Variants in GALNT17 observed in about 807,000 individuals in gnomAD.
The protein encoded by GALNT17 is polypeptide N-acetylgalactosaminyltransferase 17.
Under a neutral mutation model 63.7 loss-of-function variants are expected in GALNT17, and 29 were observed. That is an observed-to-expected ratio of 0.46 (90% CI 0.34 to 0.62). The LOEUF (loss-of-function observed/expected upper bound fraction) is 0.62. Among genes scored for constraint, GALNT17 ranks in the 20% least tolerant of loss-of-function variants. The probability of loss-of-function intolerance (pLI) is 0.01; values close to 1 mark genes in which losing one functional copy is unlikely to be tolerated. For missense variants in GALNT17, 603 were observed against 799.6 expected (o/e 0.75, Z 2.97); for synonymous variants, 305 against 318.3 (o/e 0.96, Z 0.45).
chr7:71,458,592 C>T (rs1157344651), intron 5 of GALNT17, among the ~76,000 whole-genome samples: 1 of 152,166 alleles, frequency 6.6e-6, no homozygotes, highest in Non-Finnish European at 1.5e-5. Flanking sequence ...GCCTGGTGTC[C>T]AGGAAGAATC....
At chr7:71,255,365 G>A (rs1790270771) in intron 1 of GALNT17, among the ~76,000 whole-genome samples, 2 of 152,216 alleles carry the variant, frequency 1.3e-5, no homozygotes, top group Admixed American at 1.3e-4. Context: ...CCATGTGTGA[G>A]ATGTACCTTT....
rs1336259079 is a variant in GALNT17, at chr7:71,285,101, TAAAG to T, written c.239-50444_239-50441del. Among the ~76,000 whole-genome samples, 7 of 152,296 alleles carry T rather than the reference TAAAG, an allele frequency of 4.6e-5. No individual in the cohort carries two copies. The East Asian group carries it at 5.8e-4, about 13-fold the overall frequency. ...AAGAAATCATAACAAATTGCTAAGTTAAAGAAAGCCGACAAATACCGCAGAAATT... is the reference window on the plus strand; with the variant it reads ...AAGAAATCATAACAAATTGCTAAGTTAAAGCCGACAAATACCGCAGAAATT... On this transcript the variant is annotated intron_variant, in intron 1 of 10. Transcript: ENST00000333538.
chr7:71,455,934 C>G (rs1393783697), intron 5 of GALNT17, among the ~76,000 whole-genome samples: 1 of 152,198 alleles, frequency 6.6e-6, no homozygotes, highest in African/African-American at 2.4e-5. Context: ...TCACCTACCC[C>G]TCAGAGCTCC....
Position 71,305,701 on chromosome 7 carries a change from G to C in GALNT17, c.239-29849G>C, listed in dbSNP as rs1030594371. Among the ~76,000 whole-genome samples the C allele has an allele frequency of 3.9e-5, 6 of 152,120 alleles. No homozygotes were observed. The South Asian group carries it at 6.2e-4, about 16-fold the overall frequency. Reference sequence around the variant, plus strand: ...GGGGTCAGCAGTAAAGGACTTACTAGGTTGGCGACCTGATGTCACCCAGAG... The same window carrying C: ...GGGGTCAGCAGTAAAGGACTTACTACGTTGGCGACCTGATGTCACCCAGAG... On this transcript the variant is annotated intron_variant, in intron 1 of 10. Coordinates refer to ENST00000333538, the MANE Select transcript of GALNT17 (RefSeq NM_022479.3).
In GALNT17 at chr7:71,468,572, A is replaced by C. The variant is rs1403883267; in HGVS notation, c.962+47467A>C. Among the ~76,000 whole-genome samples, 7 of 151,988 alleles carry C rather than the reference A, an allele frequency of 4.6e-5. No homozygotes were observed. In the South Asian group the frequency reaches 1.5e-3, roughly 32 times the overall value. The stretch of plus-strand genomic sequence containing the variant: ...GCTGGGATTATGGATGCCCACCACC[A>C]TGCCTGGCTAATTTTTTTGTTTTTA... On this transcript the variant is annotated intron_variant, in intron 5 of 10. Coordinates refer to ENST00000333538, the MANE Select transcript of GALNT17 (RefSeq NM_022479.3).
intron 2 of GALNT17, among the ~76,000 whole-genome samples, chr7:71,387,732 G>A (rs191335680): frequency 1.2e-4 from 19 of 152,210 alleles, no homozygotes; most frequent in East Asian, 5.8e-4. Flanking sequence ...GAAGTTGTGC[G>A]GTGTGCCCTG....
At chr7:71,339,782 G>T (rs762880190) in intron 2 of GALNT17, among the ~76,000 whole-genome samples, 1 of 152,070 alleles carries the variant, frequency 6.6e-6, no homozygotes, top group Non-Finnish European at 1.5e-5. Context: ...TGGGTATGAC[G>T]TGGCATACTC....
intron 5 of GALNT17, among the ~76,000 whole-genome samples, chr7:71,457,245 C>T (rs1202786569): frequency 2.0e-5 from 3 of 152,192 alleles, no homozygotes; most frequent in South Asian, 4.1e-4. Context: ...GGGCAAATTG[C>T]AGGGGAGATA....
chr7:71,553,529 T>C (rs1222254515), intron 5 of GALNT17, among the ~76,000 whole-genome samples: 1 of 152,120 alleles, frequency 6.6e-6, no homozygotes, highest in Non-Finnish European at 1.5e-5. Context: ...AGAAAAGTTG[T>C]TTTTCATATT....
At chr7:71,248,604 A>G (rs190405274) in intron 1 of GALNT17, among the ~76,000 whole-genome samples, 1 of 152,280 alleles carries the variant, frequency 6.6e-6, no homozygotes, top group Admixed American at 6.5e-5. Context: ...TTTTCAGATC[A>G]CTTCATTACA....
chr7:71,667,343 A>G (rs1791000051), intron 7 of GALNT17, among the ~76,000 whole-genome samples: 1 of 152,254 alleles, frequency 6.6e-6, no homozygotes, highest in South Asian at 2.1e-4. Flanking sequence ...TTAGCTGTTA[A>G]GTAATAAGTG....
chr7:71,188,940 T>C (rs929881432), intron 1 of GALNT17, among the ~76,000 whole-genome samples: 1 of 152,104 alleles, frequency 6.6e-6, no homozygotes, highest in Non-Finnish European at 1.5e-5. Context: ...AAATACACCT[T>C]GGTATATTGA....
At chr7:71,237,186 G>A (rs1257395777) in intron 1 of GALNT17, among the ~76,000 whole-genome samples, 1 of 152,162 alleles carries the variant, frequency 6.6e-6, no homozygotes. Flanking sequence ...TTGAAAAATA[G>A]CTTTATTGTC....
chr7:71,432,174 CA>C (rs879795902), intron 5 of GALNT17, among the ~76,000 whole-genome samples: 70 of 143,122 alleles, frequency 4.9e-4, no homozygotes, highest in East Asian at 6.1e-4. Context: ...GACTCCGTCT[CA>C]AAAAAAAAAA....
intron 5 of GALNT17, among the ~76,000 whole-genome samples, chr7:71,510,069 C>T (rs746734874): frequency 1.3e-5 from 2 of 151,992 alleles, no homozygotes; most frequent in Non-Finnish European, 2.9e-5. Flanking sequence ...CTTGGTCTCC[C>T]GAGTAGCTGG....
chr7:71,354,279 A>G (rs12673556), intron 2 of GALNT17, among the ~76,000 whole-genome samples: 22,994 of 152,134 alleles, frequency 0.15, 2,042 homozygotes, highest in East Asian at 0.29. Context: ...ATTAGTGGAG[A>G]TAGTGGGAAC....
intron 1 of GALNT17, among the ~76,000 whole-genome samples, chr7:71,301,211 G>A (rs930426200): frequency 1.2e-4 from 18 of 151,714 alleles, no homozygotes; most frequent in African/African-American, 4.4e-4. Context: ...CCCTTCAGCC[G>A]AGGAGTTCGA....
At chr7:71,142,840 C>T (rs1299147039) in intron 1 of GALNT17, among the ~76,000 whole-genome samples, 1 of 151,710 alleles carries the variant, frequency 6.6e-6, no homozygotes, top group Non-Finnish European at 1.5e-5. Flanking sequence ...ACTTGGGAGG[C>T]TGAGGCAGGA....
At chr7:71,571,481 T>A in intron 6 of GALNT17, 79 bp downstream of exon 6, 2 of 1,114,422 alleles carry the variant, frequency 1.8e-6, no homozygotes, top group Non-Finnish European at 2.7e-6. Flanking sequence ...GGGGTGTATT[T>A]AAAGCTCCTT....
Sources: gnomAD v4.1 joint callset for allele counts (sites outside exome capture counted in the v4.1 genomes callset) on GRCh38, gnomAD v4.1.1 for gene constraint, MANE v1.5 for transcripts, NCBI Gene and HGNC (gene_info 2026-07-23, HGNC 2026-07-21) for gene names.